Variants in FRAS1 observed in about 807,000 individuals in gnomAD.
The protein encoded by FRAS1 is extracellular matrix organizing protein FRAS1.
In FRAS1, 290 loss-of-function variants were observed where a neutral mutation model predicts 435.2. The ratio of observed to expected loss-of-function variants is 0.67; its 90% CI spans 0.61 to 0.73. FRAS1 has a LOEUF of 0.73. FRAS1 is among the 30% of genes least tolerant of loss of function. FRAS1 has a pLI of 0.00. For synonymous variants in FRAS1, 1,800 were observed against 1,851.0 expected, an observed-to-expected ratio of 0.97 and a Z score of 0.71; for missense variants, 4,860 against 5,001.5, an observed-to-expected ratio of 0.97 and a Z score of 0.85.
At position 78,414,632 on chromosome 4, in the gene FRAS1, G is replaced by T. The variant is rs1445938248; in HGVS notation, c.4425+1547G>T. ...ATAACATAAGTTTTGCAGATATTTG[G>T]TAAATATATTGTGAATGCATATGGT... On this transcript the variant is annotated intron_variant, in intron 32 of 73. Coordinates refer to ENST00000512123, the MANE Select transcript of FRAS1 (RefSeq NM_025074.7). 9.9e-5 allele frequency among the ~76,000 whole-genome samples: 15 copies of T among 152,056 alleles called. 1 individual carries two copies. Among genetic ancestry groups the T allele is most frequent in the South Asian group, 8.3e-4 (4 of 4,824 alleles).
chr4:78,216,411 A>G (rs3903384), intron 2 of FRAS1, among the ~76,000 whole-genome samples: 45,643 of 152,116 alleles, frequency 0.3, 7,527 homozygotes, highest in South Asian at 0.52. Context: ...CTCAACATAT[A>G]TTCACTATAA....
chr4:78,421,870 C>G lies in FRAS1; in HGVS notation c.4548C>G (p.Ile1516Met). 6.2e-7 allele frequency: 1 copy of G among 1,613,820 alleles called. No homozygotes were observed. Among genetic ancestry groups the G allele is most frequent in the Non-Finnish European group, 8.5e-7 (1 of 1,179,784 alleles). The change falls in exon 34 of 74, where the codon ATC (isoleucine) becomes ATG (methionine). Residue 1516 changes from isoleucine (I) to methionine (M), a missense_variant. Physicochemically the swap from Ile to Met is conservative, Grantham distance 10. Transcript: ENST00000512123. ...CAAATCTCTTCCTCCCAGGTATCAT[C>G]GAGCACCGGGACCACCCTCACTCTC... is the stretch of plus-strand genomic sequence containing the variant. Reference protein sequence around the residue: ...TLPLHPNQGIIEHRDHPHSPI... With the variant: ...TLPLHPNQGIMEHRDHPHSPI...
intron 18 of FRAS1, among the ~76,000 whole-genome samples, chr4:78,327,663 T>C (rs1401361925): frequency 1.3e-5 from 2 of 152,174 alleles, no homozygotes; most frequent in Non-Finnish European, 2.9e-5. Flanking sequence ...TCTAAAAATG[T>C]AGTATTGCAT....
Position 78,477,988 on chromosome 4 carries a change from A to C in FRAS1, c.8025A>C (p.Thr2675=). 1 of 1,611,528 alleles carries C rather than the reference A, an allele frequency of 6.2e-7. No individual in the cohort carries two copies. The highest frequency in any genetic ancestry group is 8.5e-7 in the Non-Finnish European group (1 of 1,178,888). ...VIINDTEDEP[T]LEFDKKIYWV... Reference sequence around the variant, plus strand: ...TCAACGATACCGAGGATGAACCCACATTAGAGTTTGACAAGAAGATCTACT... The same window carrying C: ...TCAACGATACCGAGGATGAACCCACCTTAGAGTTTGACAAGAAGATCTACT... The change falls in exon 55 of 74, where the codon ACA becomes ACC. Residue 2675 remains threonine, a synonymous_variant. Transcript: ENST00000512123.
intron 2 of FRAS1, among the ~76,000 whole-genome samples, chr4:78,167,614 T>A (rs1721387386): frequency 6.6e-6 from 1 of 152,032 alleles, no homozygotes; most frequent in Admixed American, 6.6e-5. Flanking sequence ...AATAACTCTT[T>A]TAATTATTAC....
rs1721427055 is a variant in FRAS1 at position 78,522,793 on chromosome 4, C to T, written c.10793C>T (p.Thr3598Ile). 1 of 1,610,584 alleles carries T rather than the reference C, an allele frequency of 6.2e-7. No individual in the cohort carries two copies. The highest frequency in any genetic ancestry group is 1.3e-5 in the African/African-American group (1 of 74,900). ...FDSPHQLWRA[T>I]SSYNRKDYSG... ...TCTCCACATCAACTCTGGAGAGCCA[C>T]AAGCTCTTATAACAGGTAAATACAG... The change falls in exon 69 of 74, where the codon ACA (threonine) becomes ATA (isoleucine). Residue 3598 changes from threonine (T) to isoleucine (I), a missense_variant. Physicochemically the swap from Thr to Ile is moderately conservative, Grantham distance 89. Transcript: ENST00000512123.
intron 1 of FRAS1, among the ~76,000 whole-genome samples, chr4:78,060,918 C>T (rs1438150808): frequency 6.6e-6 from 1 of 152,120 alleles, no homozygotes; most frequent in Non-Finnish European, 1.5e-5. Context: ...GCAATCTCAG[C>T]TCATTGCTGC....
intron 33 of FRAS1, 92 bp from the exon 34 acceptor site, chr4:78,421,771 C>T (rs1733796611): frequency 7.1e-7 from 1 of 1,406,404 alleles, no homozygotes; most frequent in Admixed American, 1.8e-5. Flanking sequence ...TGTCAGACTC[C>T]CACCAACAAG....
rs1371212785 is a variant in FRAS1 at position 78,191,539 on chromosome 4, T to C, written c.109-45971T>C. On this transcript the variant is annotated intron_variant, in intron 2 of 73. Transcript: ENST00000512123. ...GGATTTGTTTGTATTATTTTCTTTT[T>C]TTTTTTTTTTAATTATTATACTTTA... Among the ~76,000 whole-genome samples, 13 of 151,426 alleles carry C rather than the reference T, an allele frequency of 8.6e-5. No homozygotes were observed. The East Asian group carries it at 1.5e-3, about 18-fold the overall frequency.
chr4:78,432,216 T>G (rs995741321), intron 37 of FRAS1, 141 bp from the exon 38 acceptor site: 1 of 658,872 alleles, frequency 1.5e-6, no homozygotes, highest in African/African-American at 1.8e-5. Context: ...AATCCTATAG[T>G]AGGTGAGTGG....
intron 2 of FRAS1, among the ~76,000 whole-genome samples, chr4:78,175,953 C>G (rs548156368): frequency 4.6e-5 from 7 of 152,154 alleles, no homozygotes; most frequent in African/African-American, 7.2e-5. Context: ...CTAAGAGACA[C>G]TAGGTTGCCG....
chr4:78,538,696 T>C (rs946244548), intron 72 of FRAS1, among the ~76,000 whole-genome samples: 11 of 152,188 alleles, frequency 7.2e-5, no homozygotes, highest in African/African-American at 1.9e-4. Flanking sequence ...GGCTCAAGCC[T>C]GTAATCCCAG....
chr4:78,278,838 A>G (rs1381260747), intron 10 of FRAS1, 94 bp downstream of exon 10: 1 of 779,594 alleles, frequency 1.3e-6, no homozygotes, highest in African/African-American at 1.7e-5. Context: ...TTGCCCATTC[A>G]TTTGTTCAAC....
chr4:78,326,614 A>T (rs140995751), intron 18 of FRAS1, among the ~76,000 whole-genome samples: 1 of 152,328 alleles, frequency 6.6e-6, no homozygotes, highest in Admixed American at 6.5e-5. Context: ...CCTAGGTAGT[A>T]GATTTATGTG....
At chr4:78,507,667 C>T in intron 62 of FRAS1, 59 bp downstream of exon 62, 3 of 1,468,700 alleles carry the variant, frequency 2.0e-6, no homozygotes, top group Non-Finnish European at 2.8e-6. Flanking sequence ...TAGATGAGAA[C>T]TGAAGGGAAG....
chr4:78,539,484 T>G (rs752687834), intron 73 of FRAS1, 44 bp downstream of exon 73: 1 of 1,462,332 alleles, frequency 6.8e-7, no homozygotes, highest in Non-Finnish European at 9.1e-7. Context: ...CAAGTCTACT[T>G]TAAAGCTTGA....
chr4:78,506,967 C>T (rs551173783), intron 61 of FRAS1, among the ~76,000 whole-genome samples: 45 of 152,310 alleles, frequency 3.0e-4, no homozygotes, highest in African/African-American at 1.1e-3. Context: ...TTTGTGGAGG[C>T]TGGCTTGGTA....
At chr4:78,431,366 A>G (rs1008695436) in intron 37 of FRAS1, among the ~76,000 whole-genome samples, 17 of 152,234 alleles carry the variant, frequency 1.1e-4, no homozygotes, top group African/African-American at 3.9e-4. Context: ...TTTACTCTGT[A>G]TATGTGCAGT....
rs1721038863 is a variant in FRAS1 at position 78,511,494 on chromosome 4, A to G, written c.10001A>G (p.Glu3334Gly). The change falls in exon 64 of 74, where the codon GAG becomes GGG. Residue 3334 changes from glutamate to glycine, a missense_variant. Glu to Gly is a moderately conservative substitution (Grantham distance 98). Transcript: ENST00000512123. The stretch of plus-strand genomic sequence containing the variant: ...AAATACCTGGATGTCAAACATAAGG[A>G]GCATCCGAACAGGTCAGGCAGGTGG... ...TLKYLDVKHK[E>G]HPNRIHISVQ... 2 of 1,613,322 alleles carry G rather than the reference A, an allele frequency of 1.2e-6. No homozygotes were observed. The highest frequency in any genetic ancestry group is 2.2e-5 in the South Asian group (2 of 90,994).
Sources: allele counts gnomAD v4.1 joint callset (sites outside exome capture counted in the v4.1 genomes callset), GRCh38; gene constraint gnomAD v4.1.1; transcripts MANE v1.5; gene names NCBI Gene and HGNC (gene_info 2026-07-23, HGNC 2026-07-21).